GCH1: variants seen among roughly 807,000 people sequenced by gnomAD.
The protein encoded by GCH1 is GTP cyclohydrolase I.
GCH1 carries 5 observed loss-of-function variants against 25.9 expected under a neutral mutation model. The ratio of observed to expected loss-of-function variants is 0.19; its 90% CI spans 0.10 to 0.41. The LOEUF (loss-of-function observed/expected upper bound fraction) is 0.41. Among genes scored for constraint, GCH1 ranks in the 10% least tolerant of loss-of-function variants. The probability of loss-of-function intolerance (pLI) is 1.00; values close to 1 mark genes in which losing one functional copy is unlikely to be tolerated. For missense variants in GCH1, 261 were observed against 336.5 expected (o/e 0.78, Z 1.75); for synonymous variants, 159 against 129.6 (o/e 1.23, Z -1.54).
At chr14:54,889,642 T>C (rs2040399237) in intron 1 of GCH1, among the ~76,000 whole-genome samples, 1 of 152,162 alleles carries the variant, frequency 6.6e-6, no homozygotes, top group Non-Finnish European at 1.5e-5. Flanking sequence ...CAGTTGTTGA[T>C]AAGCAAGAGG....
intron 1 of GCH1, among the ~76,000 whole-genome samples, chr14:54,889,471 A>G (rs2040397156): frequency 6.6e-6 from 1 of 152,228 alleles, no homozygotes; most frequent in Non-Finnish European, 1.5e-5. Flanking sequence ...TGTGTGATAC[A>G]TAAAACACAT....
At chr14:54,898,810 G>A (rs2040522528) in intron 1 of GCH1, among the ~76,000 whole-genome samples, 1 of 152,096 alleles carries the variant, frequency 6.6e-6, no homozygotes, top group Non-Finnish European at 1.5e-5. Context: ...AGTAGAGATG[G>A]GGTTTCAACA....
intron 2 of GCH1, among the ~76,000 whole-genome samples, chr14:54,865,012 G>T (rs1372715029): frequency 2.0e-5 from 3 of 147,094 alleles, no homozygotes; most frequent in African/African-American, 7.6e-5. Flanking sequence ...ATAAATAAAG[G>T]TTAAAGGTTT....
chr14:54,869,692 C>A (rs1312644131), intron 1 of GCH1, among the ~76,000 whole-genome samples: 1 of 151,892 alleles, frequency 6.6e-6, no homozygotes. Flanking sequence ...GTTGGTCAGA[C>A]TGGTCTGGAA....
chr14:54,896,804 CAGCTACTCAGGAGGCTG>C lies in GCH1; in HGVS notation c.343+5500_343+5516del, dbSNP rs2040491100. On this transcript the variant is annotated intron_variant, in intron 1 of 5. Coordinates refer to ENST00000491895, the MANE Select transcript of GCH1 (RefSeq NM_000161.3). ...GTGTGGTAGCGGGCGCCTGTAATCC[CAGCTACTCAGGAGGCTG>C]AGGCAGGAGAATGGTGTGAACCGGG... is the stretch of plus-strand genomic sequence containing the variant. Among the ~76,000 whole-genome samples the C allele has an allele frequency of 2.0e-5, 3 of 150,922 alleles. No individual in the cohort carries two copies. The South Asian group carries it at 6.3e-4, about 32-fold the overall frequency.
At chr14:54,858,049 C>T (rs2140060498) in intron 3 of GCH1, among the ~76,000 whole-genome samples, 1 of 152,204 alleles carries the variant, frequency 6.6e-6, no homozygotes, top group East Asian at 1.9e-4. Flanking sequence ...TCTTATTGAT[C>T]CCCAGAGGAA....
chr14:54,899,928 G>A (rs149390837), intron 1 of GCH1, among the ~76,000 whole-genome samples: 1,852 of 150,950 alleles, frequency 0.012, 49 homozygotes, highest in African/African-American at 0.043. Context: ...GTAATGGTGC[G>A]ATCTCGGCTC....
At chr14:54,888,157 A>C (rs2040377657) in intron 1 of GCH1, among the ~76,000 whole-genome samples, 1 of 152,194 alleles carries the variant, frequency 6.6e-6, no homozygotes, top group African/African-American at 2.4e-5. Flanking sequence ...CTTTTCAAAA[A>C]TCTGCATCAT....
Position 54,902,312 on chromosome 14 carries a change from C to G in GCH1, c.343+9G>C, listed in dbSNP as rs1340383628. 3.1e-6 allele frequency: 5 copies of G among 1,611,246 alleles called. No homozygotes were observed. The highest frequency in any genetic ancestry group is 1.7e-5 in the Admixed American group (1 of 59,914). ...CCCGCACGCTCTAGCAGCCCGCGGG[C>G]GCACTGACCTGAGATGGTCTCCTGG... On this transcript the variant is annotated intron_variant, in intron 1 of 5. Transcript: ENST00000491895.
chr14:54,885,349 TG>T, intron 1 of GCH1: 6 of 263,080 alleles, frequency 2.3e-5, no homozygotes, highest in South Asian at 1.0e-4. Flanking sequence ...CACATTGCTC[TG>T]GGGGGCTGTG....
At position 54,902,541 on chromosome 14, in the gene GCH1, C is replaced by T. The variant is rs2040584909; in HGVS notation, c.123G>A (p.Arg41=). The change falls in exon 1 of 6, where the codon CGG becomes CGA. Residue 41 remains arginine (R), a synonymous_variant. Transcript: ENST00000491895. ...GPSRPAEKPP[R]PEAKSAQPAD... ...CGGGCTGCGCGCTCTTGGCCTCGGG[C>T]CGCGGGGGCTTCTCCGCCGGCCTGC... The T allele has an allele frequency of 1.2e-5, 19 of 1,551,278 alleles. No homozygotes were observed. The highest frequency in any genetic ancestry group is 1.7e-5 in the Non-Finnish European group (19 of 1,150,710).
chr14:54,853,729 T>C (rs1273389640), intron 3 of GCH1, among the ~76,000 whole-genome samples: 1 of 149,498 alleles, frequency 6.7e-6, no homozygotes, highest in Non-Finnish European at 1.5e-5. Flanking sequence ...TCAGTGAGAT[T>C]TGCCTATCAT....
At position 54,842,975 on chromosome 14, in the gene GCH1, T is replaced by C. The variant is rs549379993; in HGVS notation, c.*1042A>G. On this transcript the variant is annotated 3_prime_UTR_variant, in exon 6 of 6. Transcript: ENST00000491895. ...GGTACGATACGCTTTGGTTAAAACG[T>C]TGGACACAGCTCATAATGTCTTCCA... The C allele has an allele frequency of 1.1e-5, 8 of 755,400 alleles. No individual in the cohort carries two copies. The highest frequency in any genetic ancestry group is 2.3e-4 in the Middle Eastern group (1 of 4,360). 46.8% of individuals were successfully genotyped at this position (755,400 alleles called of 1,614,324 possible).
chr14:54,863,063 G>A (rs1375466538), intron 2 of GCH1, among the ~76,000 whole-genome samples: 6 of 152,200 alleles, frequency 3.9e-5, no homozygotes, highest in South Asian at 4.2e-4. Context: ...ATATGAATTC[G>A]TTATTAGACA....
chr14:54,881,006 G>A (rs1566677464), intron 1 of GCH1, among the ~76,000 whole-genome samples: 2 of 151,132 alleles, frequency 1.3e-5, no homozygotes, highest in South Asian at 2.1e-4. Context: ...TGTATTTTTA[G>A]TAGAGACAGG....
intron 3 of GCH1, among the ~76,000 whole-genome samples, chr14:54,851,883 A>T (rs967744487): frequency 6.6e-6 from 1 of 152,234 alleles, no homozygotes; most frequent in African/African-American, 2.4e-5. Context: ...GTATATAACC[A>T]AAGGATTATA....
rs1467055444 is a variant in GCH1, at chr14:54,843,095, T to C, written c.*922A>G. On this transcript the variant is annotated 3_prime_UTR_variant, in exon 6 of 6. Coordinates refer to ENST00000491895, the MANE Select transcript of GCH1 (RefSeq NM_000161.3). The stretch of plus-strand genomic sequence containing the variant: ...ACTCTCAAATGTTTCTGGAAATACT[T>C]AGAAAAATATCTTATAAGATTAAAA... 2 of 1,449,900 alleles carry C rather than the reference T, an allele frequency of 1.4e-6. No homozygotes were observed. The highest frequency in any genetic ancestry group is 2.3e-5 in the East Asian group (1 of 43,344). 89.8% of individuals were successfully genotyped at this position (1,449,900 alleles called of 1,614,324 possible).
chr14:54,859,358 C>A (rs1300118045), intron 3 of GCH1: 1 of 350,118 alleles, frequency 2.9e-6, no homozygotes, highest in Admixed American at 4.2e-5. Flanking sequence ...TAGCTAAACC[C>A]CCCTTAAAGG....
chr14:54,873,000 G>A (rs1262672899), intron 1 of GCH1, among the ~76,000 whole-genome samples: 1 of 151,718 alleles, frequency 6.6e-6, no homozygotes. Context: ...GCACCAAGCA[G>A]ACCTAACAGA....
Sources: gnomAD v4.1 joint callset for allele counts (sites outside exome capture counted in the v4.1 genomes callset) on GRCh38, gnomAD v4.1.1 for gene constraint, MANE v1.5 for transcripts, NCBI Gene and HGNC (gene_info 2026-07-23, HGNC 2026-07-21) for gene names.